Variants in HSD17B12 observed in about 807,000 individuals in gnomAD.
The protein encoded by HSD17B12 is hydroxysteroid 17-beta dehydrogenase 12.
HSD17B12 carries 32 observed loss-of-function variants against 39.3 expected under a neutral mutation model. The ratio of observed to expected loss-of-function variants is 0.81; its 90% CI spans 0.61 to 1.09. The LOEUF (loss-of-function observed/expected upper bound fraction) is 1.09, where lower values mean the gene tolerates loss of function less well. Ranked by LOEUF, HSD17B12 falls within the 50% of genes least tolerant of loss-of-function variation. HSD17B12 has a pLI of 0.00. For synonymous variants in HSD17B12, 150 were observed against 146.7 expected, an observed-to-expected ratio of 1.02 and a Z score of -0.16; for missense variants, 342 against 382.9, an observed-to-expected ratio of 0.89 and a Z score of 0.89.
intron 1 of HSD17B12, chr11:43,734,355 A>C (rs1950296975): frequency 2.1e-6 from 2 of 951,994 alleles, no homozygotes; most frequent in African/African-American, 3.2e-5. Flanking sequence ...GTGGTGGAAA[A>C]GGCTGAGCAG....
At chr11:43,571,919 T>C in the HSD17B12 span, among the ~76,000 whole-genome samples, 1 of 152,210 alleles carries the variant, frequency 6.6e-6, no homozygotes, top group African/African-American at 2.4e-5. Context: ...TGCTGTGGCC[T>C]ATCTACCCCC....
chr11:43,702,215 T>G (rs1361840967), intron 1 of HSD17B12, among the ~76,000 whole-genome samples: 4 of 152,212 alleles, frequency 2.6e-5, no homozygotes, highest in African/African-American at 9.7e-5. Flanking sequence ...GTTCTAATAT[T>G]AATAGTTTTC....
At chr11:43,709,994 G>C (rs1403898647) in intron 1 of HSD17B12, among the ~76,000 whole-genome samples, 2 of 152,188 alleles carry the variant, frequency 1.3e-5, no homozygotes, top group African/African-American at 4.8e-5. Flanking sequence ...TAGACTGCCT[G>C]TGTTTCTGCC....
the HSD17B12 span, among the ~76,000 whole-genome samples, chr11:43,560,943 C>T: frequency 1.3e-5 from 2 of 152,154 alleles, no homozygotes; most frequent in Non-Finnish European, 2.9e-5. Context: ...CTTGAACGGC[C>T]TCCATTTTTG....
Position 43,815,427 on chromosome 11 carries a change from T to C in HSD17B12, c.392-10T>C, listed in dbSNP as rs200335996. 44 of 1,544,924 alleles carry C rather than the reference T, an allele frequency of 2.8e-5. No individual in the cohort carries two copies. The East Asian group carries it at 9.5e-4, about 33-fold the overall frequency. On this transcript the variant is annotated splice_polypyrimidine_tract_variant and intron_variant, in intron 4 of 10. Coordinates refer to ENST00000278353, the MANE Select transcript of HSD17B12 (RefSeq NM_016142.3). ...TATGTTACTCAGCTAATCATCTTGT[T>C]CTATTTCAGTGAACAACGTGGGAAT...
chr11:43,855,790 A>G lies in HSD17B12; in HGVS notation c.*542A>G, dbSNP rs187660681. 3.2e-3 allele frequency: 485 copies of G among 152,690 alleles called. 1 individual carries two copies. The highest frequency in any genetic ancestry group is 0.013 in the South Asian group (65 of 4,822). The allele number at this position is 152,690 out of a possible 1,614,324, so 9.5% of individuals were successfully genotyped here. On this transcript the variant is annotated 3_prime_UTR_variant, in exon 11 of 11. Coordinates refer to ENST00000278353, the MANE Select transcript of HSD17B12 (RefSeq NM_016142.3). ...GTACATTTATATGGAATTGTTCTTT[A>G]TCAAGGGTAGCTAATGACATGAAAA...
intron 3 of HSD17B12, among the ~76,000 whole-genome samples, chr11:43,792,654 G>T (rs1430530090): frequency 6.6e-6 from 1 of 151,236 alleles, no homozygotes; most frequent in Non-Finnish European, 1.5e-5. Flanking sequence ...ATGACAGATG[G>T]AGGAACTGAA....
chr11:43,690,716 T>C (rs1949855121), intron 1 of HSD17B12, among the ~76,000 whole-genome samples: 1 of 152,002 alleles, frequency 6.6e-6, no homozygotes, highest in South Asian at 2.1e-4. Flanking sequence ...TAATACAGAC[T>C]CTGGAACTAG....
At chr11:43,619,180 T>TAA in the HSD17B12 span, among the ~76,000 whole-genome samples, 2 of 75,302 alleles carry the variant, frequency 2.7e-5, no homozygotes, top group African/African-American at 4.6e-5. Flanking sequence ...TATATATATA[T>TAA]AAAATATATA....
intron 1 of HSD17B12, among the ~76,000 whole-genome samples, chr11:43,690,254 G>C (rs1227119085): frequency 6.6e-6 from 1 of 150,486 alleles, no homozygotes; most frequent in African/African-American, 2.5e-5. Flanking sequence ...GTAAGGCAAG[G>C]ATCTTTGTCT....
chr11:43,622,302 G>A, the HSD17B12 span, among the ~76,000 whole-genome samples: 540 of 152,178 alleles, frequency 3.5e-3, 2 homozygotes, highest in Admixed American at 6.0e-3. Context: ...GACACTCTGT[G>A]GCCCACTACT....
chr11:43,844,904 TATC>T (rs1378767168), intron 9 of HSD17B12, among the ~76,000 whole-genome samples: 1 of 152,262 alleles, frequency 6.6e-6, no homozygotes, highest in Non-Finnish European at 1.5e-5. Flanking sequence ...GCATTTGTCT[TATC>T]ATTGGAGAGT....
chr11:43,603,628 A>G, the HSD17B12 span, among the ~76,000 whole-genome samples: 4 of 152,204 alleles, frequency 2.6e-5, no homozygotes, highest in African/African-American at 7.2e-5. Flanking sequence ...ATTTGGAATA[A>G]TTATTAATTT....
intron 3 of HSD17B12, among the ~76,000 whole-genome samples, chr11:43,787,743 A>T (rs992399684): frequency 9.9e-5 from 15 of 151,464 alleles, no homozygotes; most frequent in African/African-American, 3.6e-4. Flanking sequence ...TCTCGGAAAA[A>T]AAAAAAAATA....
rs1951093327 is a variant in HSD17B12, at chr11:43,813,617, G to A, written c.392-1820G>A. Among the ~76,000 whole-genome samples the A allele has an allele frequency of 2.6e-5, 4 of 152,214 alleles. No individual in the cohort carries two copies. The South Asian group carries it at 8.3e-4, about 32-fold the overall frequency. On this transcript the variant is annotated intron_variant, in intron 4 of 10. Transcript: ENST00000278353. ...TCATATTCTAAATTATTCATCCTTT[G>A]TAATTCTGTAGGTGGTTAAAGCAAA... is the stretch of plus-strand genomic sequence containing the variant.
At chr11:43,812,809 T>G in intron 4 of HSD17B12, among the ~76,000 whole-genome samples, 1 of 152,186 alleles carries the variant, frequency 6.6e-6, no homozygotes, top group East Asian at 1.9e-4. Context: ...CTTTGCTCAA[T>G]TATCAGAGAC....
At chr11:43,603,632 T>C in the HSD17B12 span, among the ~76,000 whole-genome samples, 1 of 152,210 alleles carries the variant, frequency 6.6e-6, no homozygotes, top group East Asian at 1.9e-4. Flanking sequence ...GGAATAATTA[T>C]TAATTTATAT....
At chr11:43,834,774 T>A (rs746691671) in intron 7 of HSD17B12, among the ~76,000 whole-genome samples, 50 of 152,120 alleles carry the variant, frequency 3.3e-4, no homozygotes, top group Admixed American at 5.2e-4. Context: ...GACTGAGTTT[T>A]ATAGAGTTGG....
At chr11:43,634,067 C>G in the HSD17B12 span, among the ~76,000 whole-genome samples, 17 of 20,720 alleles carry the variant, frequency 8.2e-4, 3 homozygotes, top group Admixed American at 0.013. Flanking sequence ...AGAGCAAAAA[C>G]TCCATCTCAA....
Sources: gnomAD v4.1 joint callset for allele counts (sites outside exome capture counted in the v4.1 genomes callset) on GRCh38, gnomAD v4.1.1 for gene constraint, MANE v1.5 for transcripts, NCBI Gene and HGNC (gene_info 2026-07-23, HGNC 2026-07-21) for gene names.